GABRB2: variants seen among roughly 807,000 people sequenced by gnomAD.
The protein encoded by GABRB2 is gamma-aminobutyric acid type A receptor subunit beta2, also known as gamma-aminobutyric acid receptor subunit beta-2.
Under a neutral mutation model 54.7 loss-of-function variants are expected in GABRB2, and 16 were observed. That is an observed-to-expected ratio of 0.29 (90% CI 0.20 to 0.44). The LOEUF is 0.44. Among genes scored for constraint, GABRB2 ranks in the 20% least tolerant of loss-of-function variants. The probability of loss-of-function intolerance (pLI) is 1.00; values close to 1 mark genes in which losing one functional copy is unlikely to be tolerated. For missense variants in GABRB2, 355 were observed against 644.0 expected (o/e 0.55, Z 4.86); for synonymous variants, 244 against 233.8 (o/e 1.04, Z -0.40).
chr5:161,546,821 TA>T (rs1761003603), upstream of GABRB2: 4 of 1,148,012 alleles, frequency 3.5e-6, no homozygotes, highest in South Asian at 5.2e-5. Context: ...AAAAAAAAAT[TA>T]AAAGGGAAAA....
chr5:161,291,879 T>C lies in GABRB2; in HGVS notation c.*2202A>G, dbSNP rs1757248018. 2 of 152,484 alleles carry C rather than the reference T, an allele frequency of 1.3e-5. No homozygotes were observed. The highest frequency in any genetic ancestry group is 3.4e-3 in the Middle Eastern group (1 of 294). 9.4% of individuals were successfully genotyped at this position (152,484 alleles called of 1,614,324 possible). ...CAATATGTTCCTTCCTGATGTTTTTTAGTCAAACTTTACCCCCTGTTGACA... is the reference window on the plus strand; with the variant it reads ...CAATATGTTCCTTCCTGATGTTTTTCAGTCAAACTTTACCCCCTGTTGACA... On this transcript the variant is annotated 3_prime_UTR_variant, in exon 10 of 10. Coordinates refer to ENST00000393959, the MANE Select transcript of GABRB2 (RefSeq NM_001371727.1).
Position 161,291,139 on chromosome 5 carries a change from A to G in GABRB2, c.*2942T>C, listed in dbSNP as rs1469836566. The G allele has an allele frequency of 6.6e-6, 1 of 152,534 alleles. No individual in the cohort carries two copies. Among genetic ancestry groups the G allele is most frequent in the African/African-American group, 2.4e-5 (1 of 41,430 alleles). The allele number at this position is 152,534 out of a possible 1,614,324, so 9.4% of individuals were successfully genotyped here. On this transcript the variant is annotated 3_prime_UTR_variant, in exon 10 of 10. Transcript: ENST00000393959. ...ACCTACTAGCGGTCATGTACAATAT[A>G]TATATATACAGATTGAGATCAAAGA...
chr5:161,367,578 G>A (rs1469970727), intron 5 of GABRB2, among the ~76,000 whole-genome samples: 13 of 152,136 alleles, frequency 8.5e-5, no homozygotes, highest in East Asian at 1.9e-4. Flanking sequence ...AGAATTTCTA[G>A]TTTGTTGTAT....
At chr5:161,498,231 G>A (rs939232244) in intron 3 of GABRB2, among the ~76,000 whole-genome samples, 1 of 152,080 alleles carries the variant, frequency 6.6e-6, no homozygotes, top group Non-Finnish European at 1.5e-5. Flanking sequence ...GTCCTTATAA[G>A]TATTCAAATA....
At chr5:161,376,227 G>A (rs1397616376) in intron 5 of GABRB2, among the ~76,000 whole-genome samples, 1 of 152,140 alleles carries the variant, frequency 6.6e-6, no homozygotes, top group African/African-American at 2.4e-5. Flanking sequence ...AGGGGAAGTG[G>A]GAACTCCTCT....
intron 4 of GABRB2, among the ~76,000 whole-genome samples, chr5:161,421,645 G>A (rs1045398533): frequency 1.3e-5 from 2 of 152,098 alleles, no homozygotes; most frequent in African/African-American, 4.8e-5. Context: ...TCGGCTTCAG[G>A]AGAACCCAAC....
chr5:161,339,609 G>A lies in GABRB2; in HGVS notation c.542-2840C>T, dbSNP rs1166288507. ...ATTAAAATAAATGCTGTTATTTATT[G>A]AGTGATGTTATTCATTTTACTAGGA... On this transcript the variant is annotated intron_variant, in intron 5 of 9. Coordinates refer to ENST00000393959, the MANE Select transcript of GABRB2 (RefSeq NM_001371727.1). Among the ~76,000 whole-genome samples, 3 of 152,136 alleles carry A rather than the reference G, an allele frequency of 2.0e-5. No homozygotes were observed. In the East Asian group the frequency reaches 5.8e-4, roughly 29 times the overall value.
chr5:161,459,467 C>T (rs1342286852), intron 4 of GABRB2, 157 bp downstream of exon 4: 2 of 650,380 alleles, frequency 3.1e-6, no homozygotes, highest in Non-Finnish European at 5.5e-6. Context: ...TGTAAGCATG[C>T]TACCTTAAGC....
intron 5 of GABRB2, among the ~76,000 whole-genome samples, chr5:161,345,236 C>T (rs1306990827): frequency 1.3e-5 from 2 of 151,844 alleles, no homozygotes; most frequent in Non-Finnish European, 2.9e-5. Flanking sequence ...CATATTTGTG[C>T]ACTTTGTATC....
At chr5:161,533,839 C>A (rs1316209285) in intron 3 of GABRB2, among the ~76,000 whole-genome samples, 1 of 151,972 alleles carries the variant, frequency 6.6e-6, no homozygotes, top group Non-Finnish European at 1.5e-5. Flanking sequence ...TATTTATGGT[C>A]TGTTAATTGC....
chr5:161,445,212 A>G (rs909097093), intron 4 of GABRB2, among the ~76,000 whole-genome samples: 8 of 152,148 alleles, frequency 5.3e-5, no homozygotes, highest in African/African-American at 1.9e-4. Context: ...GTAAACAAAT[A>G]CATAATGCAT....
At chr5:161,440,402 T>G (rs1344051723) in intron 4 of GABRB2, among the ~76,000 whole-genome samples, 3 of 152,038 alleles carry the variant, frequency 2.0e-5, no homozygotes, top group Admixed American at 2.0e-4. Context: ...AAAGAAGGTA[T>G]TCCATGCCAG....
chr5:161,431,283 C>T (rs1757164783), intron 4 of GABRB2, among the ~76,000 whole-genome samples: 1 of 152,102 alleles, frequency 6.6e-6, no homozygotes, highest in Non-Finnish European at 1.5e-5. Flanking sequence ...ATGCTAACCA[C>T]TCTTATCATC....
intron 3 of GABRB2, among the ~76,000 whole-genome samples, chr5:161,520,412 A>G (rs192673918): frequency 2.0e-5 from 3 of 152,268 alleles, no homozygotes; most frequent in Admixed American, 2.0e-4. Context: ...AACAAAGAAC[A>G]AATCTTCATG....
intron 4 of GABRB2, among the ~76,000 whole-genome samples, chr5:161,446,694 A>G (rs1390321360): frequency 6.6e-6 from 1 of 152,116 alleles, no homozygotes; most frequent in African/African-American, 2.4e-5. Context: ...TTTTGACAAA[A>G]TTCCTATAAG....
At chr5:161,444,704 C>G (rs189287579) in intron 4 of GABRB2, among the ~76,000 whole-genome samples, 1 of 152,224 alleles carries the variant, frequency 6.6e-6, no homozygotes, top group Non-Finnish European at 1.5e-5. Flanking sequence ...CACAGTCTCA[C>G]TACTAATGAA....
Position 161,411,137 on chromosome 5 carries a change from A to C in GABRB2, c.459-80T>G. 3 of 1,057,220 alleles carry C rather than the reference A, an allele frequency of 2.8e-6. No individual in the cohort carries two copies. In the South Asian group the frequency reaches 4.0e-5, roughly 14 times the overall value. The allele number at this position is 1,057,220 out of a possible 1,614,324, so 65.5% of individuals were successfully genotyped here. On this transcript the variant is annotated intron_variant, in intron 4 of 9. Transcript: ENST00000393959. ...GAAATTTAAATCTAAGTATCAAAGA[A>C]GAGACTGTGATTTACCCTAAGTACT...
chr5:161,372,916 C>A (rs1211031954), intron 5 of GABRB2, among the ~76,000 whole-genome samples: 1 of 152,174 alleles, frequency 6.6e-6, no homozygotes, highest in African/African-American at 2.4e-5. Flanking sequence ...ATCATGGGAA[C>A]AGTGTGTCTC....
At chr5:161,507,379 A>T (rs1486597017) in intron 3 of GABRB2, among the ~76,000 whole-genome samples, 1 of 152,130 alleles carries the variant, frequency 6.6e-6, no homozygotes, top group Non-Finnish European at 1.5e-5. Flanking sequence ...TAACATGGTT[A>T]TATAAGATGT....
Sources: allele counts gnomAD v4.1 joint callset (sites outside exome capture counted in the v4.1 genomes callset), GRCh38; gene constraint gnomAD v4.1.1; transcripts MANE v1.5; gene names NCBI Gene and HGNC (gene_info 2026-07-23, HGNC 2026-07-21).